ARB2A: variants seen among roughly 807,000 people sequenced by gnomAD.
The protein encoded by ARB2A is cotranscriptional regulator ARB2A.
At chr5:93,817,534 T>A in the ARB2A span, among the ~76,000 whole-genome samples, 1 of 152,154 alleles carries the variant, frequency 6.6e-6, no homozygotes, top group Admixed American at 6.5e-5. Flanking sequence ...TGAAACAGAA[T>A]GAACAAAGTT....
the ARB2A span, chr5:93,824,237 A>G: frequency 6.3e-7 from 1 of 1,594,284 alleles, no homozygotes; most frequent in Non-Finnish European, 8.5e-7. Flanking sequence ...TCCCAAACAT[A>G]GATTGCATGT....
At chr5:94,106,522 T>TG in the ARB2A span, among the ~76,000 whole-genome samples, 3 of 151,968 alleles carry the variant, frequency 2.0e-5, no homozygotes, top group Non-Finnish European at 2.9e-5. Flanking sequence ...TATACAGTGG[T>TG]GGGGGGAATG....
the ARB2A span, among the ~76,000 whole-genome samples, chr5:93,950,216 C>T: frequency 6.6e-5 from 10 of 152,230 alleles, no homozygotes; most frequent in East Asian, 1.5e-3. Flanking sequence ...TCCATCCTTT[C>T]GGGTATATAC....
At chr5:93,648,440 G>GTT in the ARB2A span, among the ~76,000 whole-genome samples, 2 of 152,112 alleles carry the variant, frequency 1.3e-5, no homozygotes, top group African/African-American at 2.4e-5. Flanking sequence ...ACCCAGGAAA[G>GTT]AAGGAAATTC....
chr5:94,059,120 C>T, the ARB2A span, among the ~76,000 whole-genome samples: 1 of 151,466 alleles, frequency 6.6e-6, no homozygotes, highest in Non-Finnish European at 1.5e-5. Flanking sequence ...TACCCAGTCT[C>T]AAGCATGCCT....
chr5:93,993,816 A>G, the ARB2A span, among the ~76,000 whole-genome samples: 1 of 150,338 alleles, frequency 6.7e-6, no homozygotes. Context: ...ATTAAATACT[A>G]TATATATTTA....
At chr5:94,018,985 C>T in the ARB2A span, among the ~76,000 whole-genome samples, 3 of 152,052 alleles carry the variant, frequency 2.0e-5, no homozygotes, top group Admixed American at 1.3e-4. Context: ...TGGAACAGAA[C>T]AGAGATCTCA....
the ARB2A span, among the ~76,000 whole-genome samples, chr5:93,945,088 G>T: frequency 6.6e-6 from 1 of 152,168 alleles, no homozygotes; most frequent in Non-Finnish European, 1.5e-5. Context: ...CCAAAAACCA[G>T]GTCATAATCT....
chr5:93,993,979 T>C, the ARB2A span, among the ~76,000 whole-genome samples: 1 of 152,148 alleles, frequency 6.6e-6, no homozygotes. Context: ...GGCAGGCACA[T>C]ATTGCATATC....
chr5:93,751,031 T>C, the ARB2A span, among the ~76,000 whole-genome samples: 1 of 152,188 alleles, frequency 6.6e-6, no homozygotes, highest in African/African-American at 2.4e-5. Flanking sequence ...AAAAGAATCT[T>C]CATGCCAATT....
At chr5:93,975,112 A>C in the ARB2A span, among the ~76,000 whole-genome samples, 1 of 152,022 alleles carries the variant, frequency 6.6e-6, no homozygotes, top group Admixed American at 6.5e-5. Context: ...CAGGAGATGG[A>C]GACCACCCTG....
At chr5:94,034,281 T>C in the ARB2A span, among the ~76,000 whole-genome samples, 1 of 152,230 alleles carries the variant, frequency 6.6e-6, no homozygotes, top group African/African-American at 2.4e-5. Flanking sequence ...ACAGCTGTAC[T>C]TAGGCTCGTG....
At chr5:93,802,718 C>A in the ARB2A span, among the ~76,000 whole-genome samples, 1 of 152,040 alleles carries the variant, frequency 6.6e-6, no homozygotes, top group Non-Finnish European at 1.5e-5. Context: ...CAGGCATAAA[C>A]AGAATTCCAG....
the ARB2A span, among the ~76,000 whole-genome samples, chr5:93,877,123 T>G: frequency 6.6e-6 from 1 of 152,194 alleles, no homozygotes; most frequent in Non-Finnish European, 1.5e-5. Context: ...TTCCCCTCTA[T>G]CCTTAGCATC....
At chr5:93,864,762 G>A in the ARB2A span, among the ~76,000 whole-genome samples, 1 of 152,006 alleles carries the variant, frequency 6.6e-6, no homozygotes, top group African/African-American at 2.4e-5. Context: ...TAGTTGTGAA[G>A]GACTTTCAAT....
At chr5:93,862,896 T>C in the ARB2A span, 2 of 152,218 alleles carry the variant, frequency 1.3e-5, no homozygotes, top group African/African-American at 2.4e-5. Flanking sequence ...AAAACCATTA[T>C]AAATTAAATG....
chr5:94,016,910 G>A, the ARB2A span, among the ~76,000 whole-genome samples: 5 of 152,308 alleles, frequency 3.3e-5, no homozygotes, highest in Admixed American at 2.0e-4. Context: ...ACTAAGAAAT[G>A]AGAGGGATCA....
the ARB2A span, among the ~76,000 whole-genome samples, chr5:93,637,354 G>GT: frequency 0.07 from 8,156 of 115,966 alleles, 501 homozygotes; most frequent in East Asian, 0.23. Context: ...GGGTTGTTTA[G>GT]TTTTTTTTTT....
At chr5:93,847,739 C>G in the ARB2A span, among the ~76,000 whole-genome samples, 194 of 152,284 alleles carry the variant, frequency 1.3e-3, no homozygotes, top group Non-Finnish European at 2.3e-3. Context: ...TATTAAACTA[C>G]TACTATGGTT....
Sources: allele counts gnomAD v4.1 joint callset (sites outside exome capture counted in the v4.1 genomes callset), GRCh38; gene constraint gnomAD v4.1.1; transcripts MANE v1.5; gene names NCBI Gene and HGNC (gene_info 2026-07-23, HGNC 2026-07-21).